RTTN: variants seen among roughly 807,000 people sequenced by gnomAD.
RTTN encodes rotatin.
RTTN carries 182 observed loss-of-function variants against 269.2 expected under a neutral mutation model. That is an observed-to-expected ratio of 0.68 (90% CI 0.60 to 0.76). The LOEUF (loss-of-function observed/expected upper bound fraction) is 0.76. RTTN is among the 30% of genes least tolerant of loss of function. The pLI is 0.00. For synonymous variants in RTTN, 1,006 were observed against 963.5 expected (o/e 1.04, Z -0.82); for missense variants, 2,545 against 2,608.6 (o/e 0.98, Z 0.53).
chr18:70,072,960 T>A (rs531400980), intron 34 of RTTN, among the ~76,000 whole-genome samples: 1 of 152,210 alleles, frequency 6.6e-6, no homozygotes, highest in East Asian at 1.9e-4. Flanking sequence ...AATACTTCTC[T>A]TGAATCTAGG....
chr18:70,036,480 A>G (rs948238431), intron 40 of RTTN, among the ~76,000 whole-genome samples: 6 of 152,212 alleles, frequency 3.9e-5, no homozygotes, highest in African/African-American at 7.2e-5. Flanking sequence ...ACTTATAAGT[A>G]GGAGCTAAAT....
At chr18:70,179,929 A>C (rs2061383860) in intron 10 of RTTN, among the ~76,000 whole-genome samples, 3 of 152,096 alleles carry the variant, frequency 2.0e-5, no homozygotes, top group African/African-American at 4.8e-5. Context: ...AGGACTACTC[A>C]GCATCATGCC....
intron 35 of RTTN, among the ~76,000 whole-genome samples, chr18:70,064,336 C>CAAA (rs11308196): frequency 9.2e-4 from 57 of 61,672 alleles, no homozygotes; most frequent in Middle Eastern, 0.021. Flanking sequence ...AGACTGCCTC[C>CAAA]AAAAAAAAAA....
rs1249836976 is a variant in RTTN at position 70,030,944 on chromosome 18, C to G, written c.5579G>C (p.Arg1860Thr). The G allele has an allele frequency of 6.2e-7, 1 of 1,613,636 alleles. No individual in the cohort carries two copies. Among genetic ancestry groups the G allele is most frequent in the Non-Finnish European group, 8.5e-7 (1 of 1,179,844 alleles). ...TGACATCAATGCATTTGCAGCTACTCTTTTCAGGATATCTTTGGAGGATTT... is the reference window on the plus strand; with the variant it reads ...TGACATCAATGCATTTGCAGCTACTGTTTTCAGGATATCTTTGGAGGATTT... ...EGKSSKDILKRVAANALMSLL... is the reference protein window; with the variant it reads ...EGKSSKDILKTVAANALMSLL... The change falls in exon 41 of 49, where the codon AGA becomes ACA. Residue 1860 changes from arginine to threonine, a missense_variant. Arg to Thr is a moderately conservative substitution (Grantham distance 71). Transcript: ENST00000640769.
chr18:70,187,337 A>G (rs2061570848), intron 10 of RTTN, among the ~76,000 whole-genome samples: 1 of 152,172 alleles, frequency 6.6e-6, no homozygotes, highest in Non-Finnish European at 1.5e-5. Flanking sequence ...TGGGGAGAGG[A>G]TAAGAATCTA....
At chr18:70,013,192 G>A (rs562613562) in intron 46 of RTTN, among the ~76,000 whole-genome samples, 10 of 152,206 alleles carry the variant, frequency 6.6e-5, no homozygotes, top group Admixed American at 6.5e-4. Flanking sequence ...TACTCATTAG[G>A]GCACATCAAA....
At position 70,145,753 on chromosome 18, in the gene RTTN, T is replaced by C; in HGVS notation, c.2340A>G (p.Ala780=). 3 of 1,612,224 alleles carry C rather than the reference T, an allele frequency of 1.9e-6. No homozygotes were observed. Among genetic ancestry groups the C allele is most frequent in the Non-Finnish European group, 1.7e-6 (2 of 1,179,350 alleles). Residue 780 remains alanine, a synonymous_variant, in exon 18 of 49, where the codon GCA becomes GCG. Coordinates refer to ENST00000640769, the MANE Select transcript of RTTN (RefSeq NM_173630.4). ...CCCCTTCTTCACTGGTAAGATGGAA[T>C]GCTAAAAGCTTTAATGCTAGCGAAC... The part of the protein sequence containing the change: ...SVRSLALKLL[A]FHLTSEEGAD...
At chr18:70,087,821 G>C (rs1378000643) in intron 31 of RTTN, among the ~76,000 whole-genome samples, 168 bp downstream of exon 31, 1 of 152,096 alleles carries the variant, frequency 6.6e-6, no homozygotes, top group African/African-American at 2.4e-5. Flanking sequence ...AGTTTTTCCT[G>C]TGCATGAATA....
intron 35 of RTTN, chr18:70,061,530 G>A (rs2057986620): frequency 5.5e-6 from 2 of 360,758 alleles, no homozygotes; most frequent in South Asian, 4.1e-5. Flanking sequence ...ACATACCCCT[G>A]GGCACATAAA....
intron 28 of RTTN, among the ~76,000 whole-genome samples, chr18:70,099,265 GACA>G (rs2059090437): frequency 6.6e-6 from 1 of 152,148 alleles, no homozygotes; most frequent in Non-Finnish European, 1.5e-5. Flanking sequence ...GTTGTTTCCT[GACA>G]TTTTAATGTT....
chr18:70,163,095 A>C (rs369102359), intron 14 of RTTN, among the ~76,000 whole-genome samples: 2,471 of 145,090 alleles, frequency 0.017, 31 homozygotes, highest in Admixed American at 0.029. Flanking sequence ...AAAAAAAAAA[A>C]AAACAAGGCC....
At chr18:70,024,591 T>C in intron 44 of RTTN, 131 bp downstream of exon 44, 6 of 803,644 alleles carry the variant, frequency 7.5e-6, no homozygotes, top group Non-Finnish European at 9.8e-6. Context: ...AAGCTTGCCT[T>C]TGCCCATCAT....
intron 4 of RTTN, among the ~76,000 whole-genome samples, chr18:70,201,435 C>T (rs375134057): frequency 2.6e-5 from 4 of 151,408 alleles, no homozygotes; most frequent in Non-Finnish European, 5.9e-5. Context: ...GGTGAAACCC[C>T]GTCTCTACTA....
intron 36 of RTTN, among the ~76,000 whole-genome samples, chr18:70,058,473 G>A (rs1056808055): frequency 2.6e-5 from 4 of 152,112 alleles, no homozygotes; most frequent in African/African-American, 7.2e-5. Flanking sequence ...AGCCGAGATC[G>A]CGCCACTGCA....
At chr18:70,152,332 C>A (rs979445660) in intron 14 of RTTN, among the ~76,000 whole-genome samples, 9 of 152,116 alleles carry the variant, frequency 5.9e-5, no homozygotes, top group African/African-American at 2.2e-4. Context: ...CCAGTTTCAC[C>A]ACTTTTAGTT....
Position 70,109,627 on chromosome 18 carries a change from A to C in RTTN, c.3774T>G (p.Tyr1258Ter). Residue 1258 changes from tyrosine (Y) to a stop codon, truncating the protein, a stop_gained, in exon 28 of 49, where the codon TAT becomes TAG. Coordinates refer to ENST00000640769, the MANE Select transcript of RTTN (RefSeq NM_173630.4). LOFTEE classifies it high-confidence loss of function. ...CLKVTDAPHF[Y>*]GLPSLERTLR... is the part of the protein sequence containing the mutation. ...AGGTCCGCTCAAGGGACGGCAGGCC[A>C]TAGAAATGAGGCGCATCCGTCACTT... is the stretch of plus-strand genomic sequence containing the variant. The C allele has an allele frequency of 6.2e-7, 1 of 1,614,186 alleles. No homozygotes were observed. The highest frequency in any genetic ancestry group is 8.5e-7 in the Non-Finnish European group (1 of 1,180,024).
chr18:70,038,812 G>T (rs775613093), intron 40 of RTTN, among the ~76,000 whole-genome samples: 13 of 152,154 alleles, frequency 8.5e-5, no homozygotes, highest in Non-Finnish European at 1.8e-4. Flanking sequence ...TGTGGTAGGG[G>T]AGCTCAAAAG....
intron 46 of RTTN, among the ~76,000 whole-genome samples, chr18:70,014,816 C>T (rs953987862): frequency 6.6e-6 from 1 of 152,144 alleles, no homozygotes; most frequent in Non-Finnish European, 1.5e-5. Flanking sequence ...TTTGGGGAAT[C>T]GCGGCTTCTG....
chr18:70,095,313 T>C (rs907633955), intron 28 of RTTN, among the ~76,000 whole-genome samples: 1 of 152,198 alleles, frequency 6.6e-6, no homozygotes, highest in Admixed American at 6.5e-5. Context: ...AAGATTAATA[T>C]TGTTATGTGT....
Sources: allele counts gnomAD v4.1 joint callset (sites outside exome capture counted in the v4.1 genomes callset), GRCh38; gene constraint gnomAD v4.1.1; transcripts MANE v1.5; gene names NCBI Gene and HGNC (gene_info 2026-07-23, HGNC 2026-07-21).